Variants in GAB2 observed in about 807,000 individuals in gnomAD.
GAB2 encodes the protein GRB2 associated binding protein 2.
A neutral mutation model predicts 65.5 loss-of-function variants in GAB2; 26 were observed. The observed-to-expected ratio is 0.40, with a 90% CI of 0.29 to 0.55. The LOEUF is 0.55. GAB2 is among the 20% of genes least tolerant of loss of function. The pLI is 0.53. For missense variants in GAB2, 884 were observed against 875.8 expected (o/e 1.01, Z -0.12); for synonymous variants, 321 against 329.6 (o/e 0.97, Z 0.28).
chr11:78,246,522 A>G (rs542244857), intron 3 of GAB2, among the ~76,000 whole-genome samples: 1 of 151,980 alleles, frequency 6.6e-6, no homozygotes, highest in African/African-American at 2.4e-5. Flanking sequence ...GTTTTGAGAC[A>G]GGGTCTCACT....
intron 1 of GAB2, among the ~76,000 whole-genome samples, chr11:78,361,026 T>C (rs887505059): frequency 3.3e-5 from 5 of 152,196 alleles, no homozygotes; most frequent in Non-Finnish European, 7.3e-5. Flanking sequence ...TTGCTATATA[T>C]ATTTTATAAG....
At chr11:78,260,129 AAAAAG>A (rs1865691412) in intron 2 of GAB2, among the ~76,000 whole-genome samples, 1 of 152,224 alleles carries the variant, frequency 6.6e-6, no homozygotes, top group African/African-American at 2.4e-5. Flanking sequence ...CGGAGGAAGA[AAAAAG>A]AAAAGACAGA....
At chr11:78,220,546 T>TAC in intron 8 of GAB2, 102 bp from the exon 9 acceptor site, 1 of 974,960 alleles carries the variant, frequency 1.0e-6, no homozygotes, top group East Asian at 2.5e-5. Context: ...CCCTGAGCCC[T>TAC]ACTCTGACAC....
At position 78,219,277 on chromosome 11, in the gene GAB2, G is replaced by T; in HGVS notation, c.2026C>A (p.Leu676Met). The T allele has an allele frequency of 6.2e-7, 1 of 1,613,256 alleles. No individual in the cohort carries two copies. The highest frequency in any genetic ancestry group is 8.5e-7 in the Non-Finnish European group (1 of 1,179,894). ...QSSEPSKGAK[L>M] ...GCTCTGCGGTGGCCCTCTCATCACA[G>T]CTTGGCACCCTTGGAAGGCTCTGAG... The change falls in exon 10 of 10, where the codon CTG becomes ATG. Residue 676 changes from leucine (L) to methionine (M), a missense_variant. Transcript: ENST00000361507.
intron 1 of GAB2, among the ~76,000 whole-genome samples, chr11:78,289,871 A>G (rs1866607151): frequency 1.4e-5 from 2 of 145,802 alleles, no homozygotes; most frequent in African/African-American, 5.2e-5. Context: ...CCAATGACCA[A>G]GGCCTGGGCA....
chr11:78,373,654 G>A lies in GAB2; in HGVS notation c.75+43992C>T, dbSNP rs150701454. Among the ~76,000 whole-genome samples, 22 of 152,264 alleles carry A rather than the reference G, an allele frequency of 1.4e-4. No individual in the cohort carries two copies. In the East Asian group the frequency reaches 4.0e-3, roughly 28 times the overall value. ...TGGGCCCGGGACAAGGAAAACTTCC[G>A]CAAATGTAAACAAATACTTAAGTAA... On this transcript the variant is annotated intron_variant, in intron 1 of 9. Coordinates refer to ENST00000361507, the MANE Select transcript of GAB2 (RefSeq NM_080491.3).
At chr11:78,362,058 G>C (rs1023031347) in intron 1 of GAB2, among the ~76,000 whole-genome samples, 1 of 150,282 alleles carries the variant, frequency 6.7e-6, no homozygotes, top group Non-Finnish European at 1.5e-5. Flanking sequence ...AATATGGAAA[G>C]AGCATCAAGA....
At position 78,271,125 on chromosome 11, in the gene GAB2, A is replaced by G. The variant is rs181316163; in HGVS notation, c.376+9476T>C. Reference sequence around the variant, plus strand: ...CAGGGGTTGACTCCTGAGCACATGAATAATTCATCAAAGCTCTCTACTGAG... The same window carrying G: ...CAGGGGTTGACTCCTGAGCACATGAGTAATTCATCAAAGCTCTCTACTGAG... On this transcript the variant is annotated intron_variant, in intron 2 of 9. Transcript: ENST00000361507. 5.4e-3 allele frequency among the ~76,000 whole-genome samples: 828 copies of G among 152,348 alleles called. 8 individuals are homozygous for G. The highest frequency in any genetic ancestry group is 0.027 in the Middle Eastern group (8 of 294).
chr11:78,362,613 A>G (rs1441603076), intron 1 of GAB2, among the ~76,000 whole-genome samples: 1 of 152,198 alleles, frequency 6.6e-6, no homozygotes, highest in Non-Finnish European at 1.5e-5. Flanking sequence ...TAAAAGATAA[A>G]GCCTGTCTCA....
At chr11:78,360,865 A>AAACAAC (rs572520217) in intron 1 of GAB2, among the ~76,000 whole-genome samples, 8 of 152,012 alleles carry the variant, frequency 5.3e-5, no homozygotes, top group Non-Finnish European at 1.2e-4. Flanking sequence ...TCTCAAAGAA[A>AAACAAC]AACAACAACA....
At chr11:78,412,874 G>T (rs1344155593) in intron 1 of GAB2, among the ~76,000 whole-genome samples, 1 of 152,160 alleles carries the variant, frequency 6.6e-6, no homozygotes, top group Non-Finnish European at 1.5e-5. Context: ...TCAACAGATG[G>T]CTACTAAAAT....
intron 3 of GAB2, among the ~76,000 whole-genome samples, chr11:78,244,067 C>T (rs1865221236): frequency 6.6e-6 from 1 of 151,910 alleles, no homozygotes; most frequent in Non-Finnish European, 1.5e-5. Flanking sequence ...ACCTCAGAAG[C>T]ACCATCAAAA....
chr11:78,364,682 T>C (rs951126273), intron 1 of GAB2, among the ~76,000 whole-genome samples: 3 of 152,184 alleles, frequency 2.0e-5, no homozygotes, highest in Non-Finnish European at 4.4e-5. Flanking sequence ...ACAACTATGA[T>C]AGCAAATGCT....
intron 1 of GAB2, among the ~76,000 whole-genome samples, chr11:78,327,018 C>T (rs1407168129): frequency 6.6e-6 from 1 of 152,182 alleles, no homozygotes; most frequent in Non-Finnish European, 1.5e-5. Flanking sequence ...TGCTCTTTAA[C>T]CACAGCAGGT....
rs55716895 is a variant in GAB2 at position 78,227,631 on chromosome 11, C to CAAAAAAAA, written c.621-588_621-581dup. On this transcript the variant is annotated intron_variant, in intron 3 of 9. Coordinates refer to ENST00000361507, the MANE Select transcript of GAB2 (RefSeq NM_080491.3). ...GAACACAATAAGACTCCATTGCCAC[C>CAAAAAAAA]AAAAAAAAAAAAAAAAGAACTAGCT... 3.6e-4 allele frequency among the ~76,000 whole-genome samples: 38 copies of CAAAAAAAA among 106,084 alleles called. 1 individual carries two copies. The highest frequency in any genetic ancestry group is 1.2e-3 in the East Asian group (4 of 3,240). 69.6% of individuals were successfully genotyped at this position (106,084 alleles called of 152,430 possible). A position where few individuals can be genotyped will look rare whatever the true frequency, so the allele number is the denominator to read the frequency against.
rs111642945 is a variant in GAB2 at position 78,215,778 on chromosome 11, G to T, written c.*3494C>A. ...TAGTCCCAGAAAGACGACCCCCCAC[G>T]GAAGGGCTTTAGCGCTCCTGAGACC... is the stretch of plus-strand genomic sequence containing the variant. On this transcript the variant is annotated 3_prime_UTR_variant, in exon 10 of 10. Transcript: ENST00000361507. 2.0e-5 allele frequency: 3 copies of T among 151,728 alleles called. No homozygotes were observed. The highest frequency in any genetic ancestry group is 7.3e-5 in the African/African-American group (3 of 40,992). 9.4% of individuals were successfully genotyped at this position (151,728 alleles called of 1,614,324 possible). A position where few individuals can be genotyped will look rare whatever the true frequency, so the allele number is the denominator to read the frequency against.
chr11:78,383,891 T>G (rs942628829), intron 1 of GAB2, among the ~76,000 whole-genome samples: 6 of 152,152 alleles, frequency 3.9e-5, no homozygotes, highest in Non-Finnish European at 8.8e-5. Flanking sequence ...ATCTTGGAAC[T>G]TTACTCGCCA....
At chr11:78,393,060 G>T (rs190543341) in intron 1 of GAB2, among the ~76,000 whole-genome samples, 1 of 152,318 alleles carries the variant, frequency 6.6e-6, no homozygotes, top group African/African-American at 2.4e-5. Context: ...GCTGCAGAGA[G>T]GCAGGATGTT....
chr11:78,343,631 A>C lies in GAB2; in HGVS notation c.76-62730T>G, dbSNP rs922530387. Among the ~76,000 whole-genome samples, 3 of 152,252 alleles carry C rather than the reference A, an allele frequency of 2.0e-5. 1 individual carries two copies. The highest frequency in any genetic ancestry group is 4.4e-5 in the Non-Finnish European group (3 of 68,044). ...ACCATGGGGAAAGGCTGTATGCGGC[A>C]GCCACTGCTGCTTCTTGGGAATTAC... On this transcript the variant is annotated intron_variant, in intron 1 of 9. Transcript: ENST00000361507.
Sources: allele counts gnomAD v4.1 joint callset (sites outside exome capture counted in the v4.1 genomes callset), GRCh38; gene constraint gnomAD v4.1.1; transcripts MANE v1.5; gene names NCBI Gene and HGNC (gene_info 2026-07-23, HGNC 2026-07-21).